STK32B: variants seen among roughly 807,000 people sequenced by gnomAD.
The protein encoded by STK32B is serine/threonine kinase 32B.
Under a neutral mutation model 52.6 loss-of-function variants are expected in STK32B, and 43 were observed. That is an observed-to-expected ratio of 0.82 (90% confidence interval 0.64 to 1.05). STK32B has a LOEUF of 1.05. STK32B is among the 50% of genes least tolerant of loss of function. The probability of loss-of-function intolerance (pLI) is 0.00; values close to 1 mark genes in which losing one functional copy is unlikely to be tolerated. For missense variants in STK32B, 621 were observed against 534.6 expected (o/e 1.16, Z -1.59); for synonymous variants, 238 against 204.3 (o/e 1.17, Z -1.41).
chr4:5,402,347 C>T (rs1257085376), intron 5 of STK32B, among the ~76,000 whole-genome samples: 1 of 152,204 alleles, frequency 6.6e-6, no homozygotes. Flanking sequence ...GTGCTTTCCA[C>T]ATGGGAGGTG....
In STK32B at chr4:5,460,244, A is replaced by T; in HGVS notation, c.909+16A>T. 1 of 1,602,054 alleles carries T rather than the reference A, an allele frequency of 6.2e-7. No homozygotes were observed. On this transcript the variant is annotated intron_variant, in intron 9 of 11. Transcript: ENST00000282908. The surrounding 1 kb of genome is among the most constrained non-coding windows in gnomAD (Gnocchi z 4.8). The stretch of plus-strand genomic sequence containing the variant: ...TGTGCCCAATGTGAGTGGAAGTCCC[A>T]CCTGATGTCATGCCACCCCTCTGCA...
intron 1 of STK32B, among the ~76,000 whole-genome samples, chr4:5,134,722 C>T (rs1246953270): frequency 6.6e-6 from 1 of 152,186 alleles, no homozygotes; most frequent in Non-Finnish European, 1.5e-5. Flanking sequence ...TGCCCAGCAC[C>T]AACTCTGCAA....
chr4:5,405,495 T>G (rs1418169387), intron 5 of STK32B, among the ~76,000 whole-genome samples: 1 of 152,168 alleles, frequency 6.6e-6, no homozygotes, highest in African/African-American at 2.4e-5. Context: ...GGTGCGGCTG[T>G]GTTAGTCCAT....
intron 3 of STK32B, among the ~76,000 whole-genome samples, chr4:5,169,727 T>C (rs1719205735): frequency 6.6e-6 from 1 of 152,142 alleles, no homozygotes; most frequent in Non-Finnish European, 1.5e-5. Flanking sequence ...CGTCATGTTT[T>C]GATTGCTATG....
chr4:5,322,774 G>A (rs971285222), intron 3 of STK32B, among the ~76,000 whole-genome samples: 6 of 152,178 alleles, frequency 3.9e-5, no homozygotes, highest in Non-Finnish European at 7.3e-5. Context: ...GTGAGATGGA[G>A]AGTCAGTCAC....
chr4:5,475,100 A>C (rs535306017), intron 11 of STK32B, among the ~76,000 whole-genome samples: 2 of 152,258 alleles, frequency 1.3e-5, no homozygotes, highest in Non-Finnish European at 2.9e-5. Flanking sequence ...ACTCACAATC[A>C]AGACACTGCA....
chr4:5,341,502 C>G (rs1450982983), intron 4 of STK32B, among the ~76,000 whole-genome samples: 2 of 152,178 alleles, frequency 1.3e-5, no homozygotes, highest in East Asian at 3.8e-4. Context: ...CATACTTTCC[C>G]AAAGCATTTT....
the STK32B span, among the ~76,000 whole-genome samples, chr4:5,043,459 G>A: frequency 1.3e-5 from 2 of 152,178 alleles, no homozygotes; most frequent in South Asian, 4.1e-4. Flanking sequence ...CTAGCTATAT[G>A]TCTCATAGTC....
At chr4:5,051,479 C>T, upstream of STK32B, 1 of 263,638 alleles carries the variant, frequency 3.8e-6, no homozygotes, top group Non-Finnish European at 7.1e-6. Context: ...CTCCCCCGCT[C>T]CTTCCCCTCC....
intron 1 of STK32B, among the ~76,000 whole-genome samples, chr4:5,123,029 A>G (rs1275374243): frequency 1.3e-5 from 2 of 151,442 alleles, no homozygotes; most frequent in Non-Finnish European, 2.9e-5. Context: ...CTCATTTCTC[A>G]CTGCTGGGTC....
chr4:5,352,557 C>G (rs935896567), intron 4 of STK32B, among the ~76,000 whole-genome samples: 1 of 151,020 alleles, frequency 6.6e-6, no homozygotes, highest in African/African-American at 2.4e-5. Context: ...CCACTTTTAC[C>G]ACTCCTATTC....
chr4:5,100,636 T>TC (rs1491052503), intron 1 of STK32B, among the ~76,000 whole-genome samples: 12 of 71,682 alleles, frequency 1.7e-4, no homozygotes, highest in Non-Finnish European at 7.7e-5. Context: ...TTCTTTCTCT[T>TC]TCTTTCTTTC....
intron 3 of STK32B, among the ~76,000 whole-genome samples, chr4:5,235,915 C>A (rs1424991642): frequency 1.3e-5 from 2 of 152,112 alleles, no homozygotes; most frequent in Admixed American, 6.5e-5. Context: ...CCATCACTTA[C>A]TAGCTCTTTA....
chr4:5,433,184 T>TAGAG (rs1442086022), intron 6 of STK32B, among the ~76,000 whole-genome samples: 3 of 151,370 alleles, frequency 2.0e-5, no homozygotes, highest in African/African-American at 7.3e-5. Context: ...GAAAGGAGGA[T>TAGAG]AGAGAGGAAG....
rs944156328 is a variant in STK32B at position 5,380,791 on chromosome 4, A to G, written c.435-17416A>G. Among the ~76,000 whole-genome samples, 14 of 152,162 alleles carry G rather than the reference A, an allele frequency of 9.2e-5. No homozygotes were observed. Among genetic ancestry groups the G allele is most frequent in the African/African-American group, 3.1e-4 (13 of 41,448 alleles). ...GCTGACACTGCTGTTACCTACAATC[A>G]TGCAGTCCTTACAACAGCCTACAAG... is the stretch of plus-strand genomic sequence containing the variant. On this transcript the variant is annotated intron_variant, in intron 4 of 11. Transcript: ENST00000282908. This position sits in a 1 kb window ranked among gnomAD's most constrained non-coding sequence, Gnocchi z 4.3.
chr4:5,164,296 C>CTT, intron 2 of STK32B, among the ~76,000 whole-genome samples: 1 of 152,188 alleles, frequency 6.6e-6, no homozygotes, highest in Non-Finnish European at 1.5e-5. Flanking sequence ...CATTCCTTGG[C>CTT]TTGTAGATTC....
chr4:5,414,965 A>C (rs550257395), intron 5 of STK32B, among the ~76,000 whole-genome samples: 1 of 152,348 alleles, frequency 6.6e-6, no homozygotes, highest in African/African-American at 2.4e-5. Context: ...TCCTCTTCCA[A>C]TGCTGACATG....
At chr4:5,363,305 C>T (rs138554313) in intron 4 of STK32B, among the ~76,000 whole-genome samples, 10 of 152,126 alleles carry the variant, frequency 6.6e-5, no homozygotes, top group African/African-American at 2.2e-4. Context: ...TATTATTTCG[C>T]TTTGGCTATA....
intron 1 of STK32B, among the ~76,000 whole-genome samples, chr4:5,110,933 C>T (rs1373540856): frequency 1.3e-5 from 2 of 151,530 alleles, no homozygotes; most frequent in Non-Finnish European, 2.9e-5. Context: ...ATAAACAACA[C>T]CATTAAAAGC....
Sources: allele counts gnomAD v4.1 joint callset (sites outside exome capture counted in the v4.1 genomes callset), GRCh38; gene constraint gnomAD v4.1.1; non-coding constraint Gnocchi (gnomAD v3.1); transcripts MANE v1.5; gene names NCBI Gene and HGNC (gene_info 2026-07-23, HGNC 2026-07-21).